Variants in UBN2 observed in about 807,000 individuals in gnomAD.
The protein encoded by UBN2 is ubinuclein-2.
Under a neutral mutation model 120.2 loss-of-function variants are expected in UBN2, and 35 were observed. The observed-to-expected ratio is 0.29, with a 90% CI of 0.22 to 0.39. The LOEUF (loss-of-function observed/expected upper bound fraction) is 0.39, where lower values mean the gene tolerates loss of function less well. Ranked by LOEUF, UBN2 falls within the 10% of genes least tolerant of loss-of-function variation. The pLI is 1.00. For synonymous variants in UBN2, 661 were observed against 648.7 expected, an observed-to-expected ratio of 1.02 and a Z score of -0.29; for missense variants, 1,693 against 1,663.2, an observed-to-expected ratio of 1.02 and a Z score of -0.31.
rs559214097 is a variant in UBN2 at position 139,249,010 on chromosome 7, C to CTGTGTGTGTG, written c.562-2930_562-2921dup. ...GTGTATATGTATATATTTATTACATCTGTGTGTGTGTGTGTGTGTGTGTGT... is the reference window on the plus strand; with the variant it reads ...GTGTATATGTATATATTTATTACATCTGTGTGTGTGTGTGTGTGTGTGTGTGTGTGTGTGT... On this transcript the variant is annotated intron_variant, in intron 2 of 17. Coordinates refer to ENST00000473989, the MANE Select transcript of UBN2 (RefSeq NM_173569.4). Among the ~76,000 whole-genome samples the CTGTGTGTGTG allele has an allele frequency of 1.0e-2, 1,477 of 147,710 alleles. 17 individuals carry two copies. Among genetic ancestry groups the CTGTGTGTGTG allele is most frequent in the African/African-American group, 0.028 (1,152 of 40,608 alleles).
At chr7:139,243,207 A>G (rs1371117917) in intron 2 of UBN2, among the ~76,000 whole-genome samples, 6 of 152,218 alleles carry the variant, frequency 3.9e-5, no homozygotes, top group African/African-American at 1.2e-4. Context: ...TCAGTAAGGA[A>G]TATTCTTCTG....
rs543404084 is a variant in UBN2, at chr7:139,281,546, CTATT to C, written c.2068-452_2068-449del. Reference sequence around the variant, plus strand: ...TCCATCCATCTATCCAATCAGCTATCTATTTATTTAGTCTTTTATATAAATGGGA... The same window carrying C: ...TCCATCCATCTATCCAATCAGCTATCTATTTAGTCTTTTATATAAATGGGA... On this transcript the variant is annotated intron_variant, in intron 13 of 17. Coordinates refer to ENST00000473989, the MANE Select transcript of UBN2 (RefSeq NM_173569.4). Among the ~76,000 whole-genome samples the C allele has an allele frequency of 3.9e-5, 6 of 152,090 alleles. No homozygotes were observed. The South Asian group carries it at 6.2e-4, about 16-fold the overall frequency.
chr7:139,272,301 C>G (rs1286860565), intron 8 of UBN2, 21 bp from the exon 9 acceptor site: 5 of 1,564,976 alleles, frequency 3.2e-6, no homozygotes, highest in South Asian at 2.3e-5. Flanking sequence ...ATAAAAACTT[C>G]TAGTATGTTT....
At chr7:139,316,077 C>CAAAAAAAAAAAAAAAAAAAA in the UBN2 span, among the ~76,000 whole-genome samples, 2 of 14,186 alleles carry the variant, frequency 1.4e-4, no homozygotes. Flanking sequence ...GACTTCGTCT[C>CAAAAAAAAAAAAAAAAAAAA]AAAAAAAAAA....
intron 15 of UBN2, among the ~76,000 whole-genome samples, chr7:139,288,715 T>C (rs530634731): frequency 3.7e-4 from 56 of 151,992 alleles, no homozygotes; most frequent in Middle Eastern, 6.8e-3. Flanking sequence ...AAAAAAAATT[T>C]AATTGCGGCC....
Position 139,307,097 on chromosome 7 carries a change from C to T in UBN2, c.*9261C>T, listed in dbSNP as rs1798370487. ...AATGTTCACTCTGCAGAGGAACTTC[C>T]CTCCAGTTACATCTTCCTCATACAT... On this transcript the variant is annotated 3_prime_UTR_variant, in exon 18 of 18. Coordinates refer to ENST00000473989, the MANE Select transcript of UBN2 (RefSeq NM_173569.4). The T allele has an allele frequency of 6.6e-6, 1 of 152,132 alleles. No individual in the cohort carries two copies. Among genetic ancestry groups the T allele is most frequent in the African/African-American group, 2.4e-5 (1 of 41,428 alleles). 9.4% of individuals were successfully genotyped at this position (152,132 alleles called of 1,614,324 possible). A position where few individuals can be genotyped will look rare whatever the true frequency, so the allele number is the denominator to read the frequency against.
chr7:139,283,841 T>A lies in UBN2; in HGVS notation c.2936T>A (p.Met979Lys). 6.2e-7 allele frequency: 1 copy of A among 1,614,172 alleles called. No individual in the cohort carries two copies. Among genetic ancestry groups the A allele is most frequent in the Non-Finnish European group, 8.5e-7 (1 of 1,180,030 alleles). ...ATTAAGACTTCAGATAAGCCACTTA[T>A]GTACCGCCTTCCCTTATCTACCCCC... ...SLIKTSDKPL[M>K]YRLPLSTPSP... The change falls in exon 15 of 18, where the codon ATG (methionine) becomes AAG (lysine). Residue 979 changes from methionine (M) to lysine (K), a missense_variant. Met to Lys is a moderately conservative substitution (Grantham distance 95). Transcript: ENST00000473989.
At chr7:139,261,783 CAT>C (rs1482626511) in intron 6 of UBN2, 42 bp downstream of exon 6, 40 of 1,568,692 alleles carry the variant, frequency 2.5e-5, no homozygotes, top group Non-Finnish European at 3.4e-5. Flanking sequence ...GCTGCACAAA[CAT>C]AAGAATTAAT....
In UBN2 at chr7:139,279,411, A is replaced by C. The variant is rs900763634; in HGVS notation, c.2067+51A>C. ...TTAGTTATAGTTGGTGAATGTTGAAATACATTCCTAAGATGAAAAAGATGT... is the reference window on the plus strand; with the variant it reads ...TTAGTTATAGTTGGTGAATGTTGAACTACATTCCTAAGATGAAAAAGATGT... On this transcript the variant is annotated intron_variant, in intron 13 of 17. Transcript: ENST00000473989. 9.4e-6 allele frequency: 13 copies of C among 1,386,388 alleles called. No individual in the cohort carries two copies. In the East Asian group the frequency reaches 3.0e-4, roughly 32 times the overall value. 85.9% of individuals were successfully genotyped at this position (1,386,388 alleles called of 1,614,324 possible). A position where few individuals can be genotyped will look rare whatever the true frequency, so the allele number is the denominator to read the frequency against.
Position 139,272,305 on chromosome 7 carries a change from T to C in UBN2, c.1597-17T>C, listed in dbSNP as rs1214688225. 1 of 1,578,302 alleles carries C rather than the reference T, an allele frequency of 6.3e-7. No homozygotes were observed. Among genetic ancestry groups the C allele is most frequent in the South Asian group, 1.1e-5 (1 of 87,306 alleles). On this transcript the variant is annotated splice_polypyrimidine_tract_variant and intron_variant, in intron 8 of 17. Coordinates refer to ENST00000473989, the MANE Select transcript of UBN2 (RefSeq NM_173569.4). ...AAATATGTCTGATAAAAACTTCTAG[T>C]ATGTTTTTCTTTTTAGGATGATCGT...
chr7:139,274,143 A>T, intron 11 of UBN2, 69 bp downstream of exon 11: 1 of 1,419,668 alleles, frequency 7.0e-7, no homozygotes, highest in Non-Finnish European at 9.4e-7. Context: ...ATATACATAC[A>T]CATACACATA....
chr7:139,319,730 C>A, the UBN2 span, among the ~76,000 whole-genome samples: 1 of 152,150 alleles, frequency 6.6e-6, no homozygotes, highest in Admixed American at 6.5e-5. Flanking sequence ...TCCTTTACTT[C>A]CCTGTTAGCT....
chr7:139,237,061 G>A lies in UBN2; in HGVS notation c.525G>A (p.Glu175=), dbSNP rs748543811. Residue 175 remains glutamate, a synonymous_variant, in exon 2 of 18, where the codon GAG becomes GAA. Coordinates refer to ENST00000473989, the MANE Select transcript of UBN2 (RefSeq NM_173569.4). ...PFNDEHQERQ[E]VEMLAKKFEM... ...ATGATGAACATCAGGAGAGGCAAGA[G>A]GTGGAAATGTTGGCTAAGAAGTTTG... The A allele has an allele frequency of 1.2e-6, 2 of 1,611,132 alleles. No individual in the cohort carries two copies. Among genetic ancestry groups the A allele is most frequent in the Admixed American group, 3.3e-5 (2 of 59,890 alleles).
intron 3 of UBN2, among the ~76,000 whole-genome samples, chr7:139,255,483 G>C (rs1796732574): frequency 2.6e-5 from 4 of 152,148 alleles, no homozygotes; most frequent in Non-Finnish European, 5.9e-5. Context: ...TAATAAGTCA[G>C]GATAAATTTT....
intron 15 of UBN2, among the ~76,000 whole-genome samples, chr7:139,292,237 CAGG>C (rs1463702840): frequency 1.3e-5 from 2 of 152,004 alleles, no homozygotes; most frequent in African/African-American, 4.8e-5. Flanking sequence ...GCGTGGGCAA[CAGG>C]AGACCCTGTC....
intron 8 of UBN2, among the ~76,000 whole-genome samples, chr7:139,271,441 T>A (rs943567129): frequency 2.0e-5 from 3 of 151,996 alleles, no homozygotes; most frequent in Non-Finnish European, 4.4e-5. Flanking sequence ...GAAATATTTG[T>A]TGGGTGTGGT....
intron 3 of UBN2, among the ~76,000 whole-genome samples, chr7:139,253,662 G>C (rs1339173829): frequency 2.0e-5 from 3 of 152,204 alleles, no homozygotes; most frequent in Non-Finnish European, 4.4e-5. Flanking sequence ...ATTTAGGAGA[G>C]CATTTAAGGA....
the UBN2 span, among the ~76,000 whole-genome samples, chr7:139,314,016 T>A: frequency 1.3e-5 from 2 of 151,312 alleles, no homozygotes; most frequent in African/African-American, 4.8e-5. Context: ...GCCTGGCTAA[T>A]TTTGTATTTT....
At chr7:139,234,983 A>C (rs375271846) in intron 1 of UBN2, among the ~76,000 whole-genome samples, 1 of 152,192 alleles carries the variant, frequency 6.6e-6, no homozygotes, top group Non-Finnish European at 1.5e-5. Flanking sequence ...AAAAAGCTTA[A>C]TCTTGATTGG....
Sources: gnomAD v4.1 joint callset for allele counts (sites outside exome capture counted in the v4.1 genomes callset) on GRCh38, gnomAD v4.1.1 for gene constraint, MANE v1.5 for transcripts, NCBI Gene and HGNC (gene_info 2026-07-23, HGNC 2026-07-21) for gene names.